Variants in CFAP221 observed in about 807,000 individuals in gnomAD.
The protein encoded by CFAP221 is cilia and flagella associated protein 221.
A neutral mutation model predicts 113.1 loss-of-function variants in CFAP221; 97 were observed. The ratio of observed to expected loss-of-function variants is 0.86; its 90% confidence interval spans 0.73 to 1.02. CFAP221 has a LOEUF of 1.02. Among genes scored for constraint, CFAP221 ranks in the 50% least tolerant of loss-of-function variants. CFAP221 has a pLI of 0.00. For synonymous variants in CFAP221, 331 were observed against 354.4 expected (o/e 0.93, Z 0.74); for missense variants, 1,025 against 1,013.4 (o/e 1.01, Z -0.16).
intron 23 of CFAP221, among the ~76,000 whole-genome samples, chr2:119,655,133 AT>A: frequency 6.6e-6 from 1 of 152,122 alleles, no homozygotes; most frequent in African/African-American, 2.4e-5. Flanking sequence ...GCAAACATTT[AT>A]TTTCATGGAT....
chr2:119,551,540 C>T (rs1035149296), intron 3 of CFAP221, among the ~76,000 whole-genome samples: 17 of 152,156 alleles, frequency 1.1e-4, no homozygotes, highest in Non-Finnish European at 1.6e-4. Flanking sequence ...ATGGTCTTGG[C>T]CCTCTTGCTG....
At chr2:119,628,380 T>C (rs1046688692) in intron 16 of CFAP221, among the ~76,000 whole-genome samples, 3 of 150,852 alleles carry the variant, frequency 2.0e-5, no homozygotes, top group Non-Finnish European at 4.4e-5. Context: ...CTCATCCTTC[T>C]TCCCTTCGGG....
chr2:119,625,108 C>G lies in CFAP221; in HGVS notation c.1411-475C>G, dbSNP rs75115821. Among the ~76,000 whole-genome samples, 5 of 152,222 alleles carry G rather than the reference C, an allele frequency of 3.3e-5. No individual in the cohort carries two copies. In the East Asian group the frequency reaches 9.7e-4, roughly 29 times the overall value. ...ATACCCTCAGCCACAGCTCTGGGCT[C>G]AGGTAGCACTCACCTGCAGTAGCAT... On this transcript the variant is annotated intron_variant, in intron 14 of 23. Transcript: ENST00000413369.
intron 3 of CFAP221, chr2:119,556,064 G>A (rs929031964): frequency 6.6e-6 from 1 of 152,232 alleles, no homozygotes; most frequent in East Asian, 1.9e-4. Context: ...TTGGCACGAT[G>A]TCCCCTGGAA....
chr2:119,643,825 G>A (rs898458638), intron 21 of CFAP221, among the ~76,000 whole-genome samples: 6 of 152,002 alleles, frequency 3.9e-5, no homozygotes, highest in African/African-American at 1.2e-4. Context: ...GATTACAGGC[G>A]TGAGCCACCG....
chr2:119,549,561 T>A (rs936879986), intron 3 of CFAP221, among the ~76,000 whole-genome samples: 4 of 152,226 alleles, frequency 2.6e-5, no homozygotes, highest in Admixed American at 1.3e-4. Flanking sequence ...GATTAAATAA[T>A]TTATTCAAGG....
intron 8 of CFAP221, among the ~76,000 whole-genome samples, chr2:119,603,147 A>G (rs947515164): frequency 6.6e-6 from 1 of 152,142 alleles, no homozygotes; most frequent in African/African-American, 2.4e-5. Flanking sequence ...TCTTCATTTC[A>G]TTATAGGGTG....
intron 9 of CFAP221, 28 bp downstream of exon 9, chr2:119,604,820 T>C (rs750321404): frequency 6.2e-7 from 1 of 1,600,670 alleles, no homozygotes; most frequent in South Asian, 1.1e-5. Context: ...CTTGGTGCGA[T>C]GAAAGGGTGA....
chr2:119,639,727 C>A, intron 20 of CFAP221, 54 bp from the exon 21 acceptor site: 1 of 1,414,410 alleles, frequency 7.1e-7, no homozygotes, highest in Non-Finnish European at 1.0e-6. Context: ...AAAAGTCCTT[C>A]AGAAACTTTA....
chr2:119,594,771 G>A (rs1683845943), intron 7 of CFAP221, among the ~76,000 whole-genome samples: 1 of 152,162 alleles, frequency 6.6e-6, no homozygotes, highest in South Asian at 2.1e-4. Context: ...CACTACACTG[G>A]ATGCATAAAC....
At position 119,656,519 on chromosome 2, in the gene CFAP221, T is replaced by G. The variant is rs1377264436; in HGVS notation, c.*49T>G. The G allele has an allele frequency of 6.7e-6, 9 of 1,346,308 alleles. No homozygotes were observed. In the South Asian group the frequency reaches 7.2e-5, roughly 11 times the overall value. The allele number at this position is 1,346,308 out of a possible 1,614,324, so 83.4% of individuals were successfully genotyped here. A position where few individuals can be genotyped will look rare whatever the true frequency, so the allele number is the denominator to read the frequency against. ...TCCATTTGCTTTCCGTGGGCCACTG[T>G]GGCCCCTTGCGTCCATTTACATGCC... On this transcript the variant is annotated 3_prime_UTR_variant, in exon 24 of 24. Transcript: ENST00000413369.
At chr2:119,630,153 T>C (rs1686666737) in intron 17 of CFAP221, among the ~76,000 whole-genome samples, 198 bp downstream of exon 17, 1 of 152,252 alleles carries the variant, frequency 6.6e-6, no homozygotes, top group African/African-American at 2.4e-5. Context: ...CCAGGATTTC[T>C]ACTCTGTGGA....
chr2:119,608,303 A>T (rs893740267), intron 11 of CFAP221, among the ~76,000 whole-genome samples, 199 bp from the exon 12 acceptor site: 1 of 152,314 alleles, frequency 6.6e-6, no homozygotes, highest in Admixed American at 6.5e-5. Flanking sequence ...ACTATTTAAG[A>T]TAAGCTTAAC....
chr2:119,653,732 T>G (rs1206348125), intron 23 of CFAP221, among the ~76,000 whole-genome samples: 1 of 152,226 alleles, frequency 6.6e-6, no homozygotes, highest in African/African-American at 2.4e-5. Flanking sequence ...ACCATCCAGA[T>G]AGTGTGTTAC....
rs540792342 is a variant in CFAP221, at chr2:119,579,885, C to T, written c.528-7234C>T. The stretch of plus-strand genomic sequence containing the variant: ...CCCTGAGTATCAGACTTTGCTTTGC[C>T]GGGACAGCTTTGAGCAGACTCCTGG... On this transcript the variant is annotated intron_variant, in intron 6 of 23. Coordinates refer to ENST00000413369, the MANE Select transcript of CFAP221 (RefSeq NM_001271049.2). 4.6e-5 allele frequency among the ~76,000 whole-genome samples: 7 copies of T among 152,224 alleles called. No homozygotes were observed. In the South Asian group the frequency reaches 1.5e-3, roughly 32 times the overall value.
At chr2:119,557,292 A>G (rs538572490) in intron 3 of CFAP221, 2 of 152,310 alleles carry the variant, frequency 1.3e-5, no homozygotes, top group South Asian at 4.1e-4. Context: ...GTCTGAGAAG[A>G]CACTCTGCAA....
chr2:119,601,858 G>A (rs1046160399), intron 8 of CFAP221, among the ~76,000 whole-genome samples: 4 of 152,218 alleles, frequency 2.6e-5, no homozygotes, highest in Non-Finnish European at 5.9e-5. Context: ...TTCACATGAG[G>A]CAGTGACAGA....
intron 15 of CFAP221, among the ~76,000 whole-genome samples, chr2:119,626,076 C>A (rs1686289976): frequency 6.6e-6 from 1 of 152,214 alleles, no homozygotes; most frequent in South Asian, 2.1e-4. Flanking sequence ...AAGTCGTTGC[C>A]TTTTCCAGCT....
chr2:119,608,367 CTT>C, intron 11 of CFAP221, 133 bp from the exon 12 acceptor site: 2 of 552,164 alleles, frequency 3.6e-6, no homozygotes, highest in Non-Finnish European at 6.3e-6. Context: ...CTATAACTAA[CTT>C]CTCTATCCCA....
Sources: gnomAD v4.1 joint callset for allele counts (sites outside exome capture counted in the v4.1 genomes callset) on GRCh38, gnomAD v4.1.1 for gene constraint, MANE v1.5 for transcripts, NCBI Gene and HGNC (gene_info 2026-07-23, HGNC 2026-07-21) for gene names.